MAOA: variants seen among roughly 807,000 people sequenced by gnomAD.
The protein encoded by MAOA is amine oxidase [flavin-containing] A.
MAOA carries 6 observed loss-of-function variants against 42.0 expected under a neutral mutation model. The ratio of observed to expected loss-of-function variants is 0.14; its 90% CI spans 0.08 to 0.28. The LOEUF (loss-of-function observed/expected upper bound fraction) is 0.28, where lower values mean the gene tolerates loss of function less well. Among genes scored for constraint, MAOA ranks in the 10% least tolerant of loss-of-function variants. MAOA has a pLI of 1.00. For synonymous variants in MAOA, 140 were observed against 154.0 expected (o/e 0.91, Z 0.67); for missense variants, 262 against 422.3 (o/e 0.62, Z 3.33).
intron 1 of MAOA, among the ~76,000 whole-genome samples, chrX:43,660,261 G>C (rs1384984840): frequency 9.0e-6 from 1 of 111,325 alleles, no homozygotes; most frequent in Non-Finnish European, 1.9e-5. Context: ...GACCCCTGAA[G>C]CTACCTGGTT....
intron 3 of MAOA, among the ~76,000 whole-genome samples, chrX:43,695,743 T>TA (rs1309952974): frequency 9.0e-6 from 1 of 110,854 alleles, no homozygotes; most frequent in Non-Finnish European, 1.9e-5. Flanking sequence ...AAAATAAAAA[T>TA]AAAAAATAAT....
chrX:43,706,414 T>C, intron 3 of MAOA, among the ~76,000 whole-genome samples: 1 of 111,712 alleles, frequency 9.0e-6, no homozygotes, highest in Non-Finnish European at 1.9e-5. Context: ...ATTGTTTCTA[T>C]CTTAACTGTT....
chrX:43,726,694 C>A (rs144243186), intron 5 of MAOA, among the ~76,000 whole-genome samples: 192 of 112,253 alleles, frequency 1.7e-3, no homozygotes, highest in African/African-American at 5.9e-3. Flanking sequence ...CAAACTCATT[C>A]TCTGTTCAGT....
intron 1 of MAOA, among the ~76,000 whole-genome samples, chrX:43,663,684 C>T (rs1303882360): frequency 8.9e-6 from 1 of 112,288 alleles, no homozygotes; most frequent in Non-Finnish European, 1.9e-5. Context: ...AACGTTGATG[C>T]TCTAAAGCAT....
At chrX:43,725,946 A>G (rs2033829986) in intron 5 of MAOA, among the ~76,000 whole-genome samples, 1 of 111,780 alleles carries the variant, frequency 8.9e-6, no homozygotes, top group Non-Finnish European at 1.9e-5. Context: ...GTTTGGCTGG[A>G]TATGAAATTC....
chrX:43,742,159 T>A lies in MAOA; in HGVS notation c.1262+112T>A. The A allele has an allele frequency of 2.7e-6, 3 of 1,107,642 alleles. No individual in the cohort carries two copies. The South Asian group carries it at 5.8e-5, about 22-fold the overall frequency. The allele number at this position is 1,107,642 out of a possible 1,213,427, so 91.3% of individuals were successfully genotyped here. A position where few individuals can be genotyped will look rare whatever the true frequency, so the allele number is the denominator to read the frequency against. On this transcript the variant is annotated intron_variant, in intron 12 of 14. Transcript: ENST00000338702. The stretch of plus-strand genomic sequence containing the variant: ...GTTGTCAAAATCCCCATTTCTTATG[T>A]CCTAGATAATACTTGTATATTTCTG...
At chrX:43,731,875 T>C in intron 8 of MAOA, 22 bp downstream of exon 8, 1 of 1,158,155 alleles carries the variant, frequency 8.6e-7, no homozygotes, top group Non-Finnish European at 1.2e-6. Flanking sequence ...TTATTCATGT[T>C]TAAACTGTAT....
Position 43,745,086 on chromosome X carries a change from T to C in MAOA, c.*573T>C, listed in dbSNP as rs2033989391. On this transcript the variant is annotated 3_prime_UTR_variant, in exon 15 of 15. Transcript: ENST00000338702. ...ACCCTCAGACCAGAATGGGGACATC[T>C]TGTGGTCTGCTGCCTCAGGAATCTC... 8.0e-6 allele frequency: 1 copy of C among 125,667 alleles called. No homozygotes were observed. Among genetic ancestry groups the C allele is most frequent in the African/African-American group, 3.2e-5 (1 of 31,172 alleles). The allele number at this position is 125,667 out of a possible 1,213,427, so 10.4% of individuals were successfully genotyped here.
At chrX:43,665,158 G>A (rs1309888674) in intron 1 of MAOA, among the ~76,000 whole-genome samples, 1 of 111,940 alleles carries the variant, frequency 8.9e-6, no homozygotes, top group Non-Finnish European at 1.9e-5. Context: ...TTGCCTTTGG[G>A]AGTTTATTAT....
At chrX:43,656,147 T>A, upstream of MAOA, 1 of 446,554 alleles carries the variant, frequency 2.2e-6, no homozygotes, top group Non-Finnish European at 3.9e-6. Context: ...AGCTGAAACA[T>A]CAGCTCCGCC....
chrX:43,731,638 T>C (rs1243187112), intron 7 of MAOA, 56 bp from the exon 8 acceptor site: 2 of 1,111,746 alleles, frequency 1.8e-6, no homozygotes, highest in African/African-American at 1.8e-5. Context: ...TTTTCACGCC[T>C]GCCACAAAGA....
chrX:43,672,878 A>G (rs1308995253), intron 1 of MAOA, among the ~76,000 whole-genome samples: 11 of 111,744 alleles, frequency 9.8e-5, no homozygotes, highest in Non-Finnish European at 2.1e-4. Context: ...AATGTTCATC[A>G]AGGATATTGG....
intron 9 of MAOA, 23 bp from the exon 10 acceptor site, chrX:43,736,204 T>C (rs764893026): frequency 1.7e-6 from 2 of 1,156,727 alleles, no homozygotes; most frequent in South Asian, 1.8e-5. Context: ...AACCTGATCA[T>C]TCAATGTAAC....
intron 3 of MAOA, among the ~76,000 whole-genome samples, chrX:43,707,209 AGGAGG>A (rs1483748165): frequency 2.7e-5 from 3 of 111,318 alleles, no homozygotes; most frequent in Non-Finnish European, 3.8e-5. Flanking sequence ...GGATCATAGA[AGGAGG>A]GGTCTTGGGG....
chrX:43,677,282 G>C (rs371196689), intron 1 of MAOA, among the ~76,000 whole-genome samples: 2 of 111,705 alleles, frequency 1.8e-5, no homozygotes, highest in South Asian at 3.7e-4. Context: ...CAGTTCTCTG[G>C]GGACAGCAAC....
intron 10 of MAOA, among the ~76,000 whole-genome samples, 175 bp from the exon 11 acceptor site, chrX:43,740,506 T>C (rs1237171013): frequency 1.8e-5 from 2 of 111,732 alleles, no homozygotes; most frequent in African/African-American, 6.5e-5. Flanking sequence ...TTAATTTGAG[T>C]GCGGGGATTC....
intron 12 of MAOA, chrX:43,743,573 G>C (rs752503896): frequency 4.6e-6 from 2 of 438,867 alleles, no homozygotes; most frequent in East Asian, 7.7e-5. Flanking sequence ...TTTAATGATT[G>C]ATGATCTGAT....
chrX:43,730,639 G>A (rs958625761), intron 6 of MAOA, among the ~76,000 whole-genome samples: 35 of 109,221 alleles, frequency 3.2e-4, no homozygotes, highest in African/African-American at 4.4e-4. Context: ...TTACAGGCAC[G>A]TGCCACCACG....
intron 3 of MAOA, among the ~76,000 whole-genome samples, chrX:43,709,184 C>A (rs1313465598): frequency 9.0e-6 from 1 of 110,630 alleles, no homozygotes; most frequent in Non-Finnish European, 1.9e-5. Flanking sequence ...CCGTGGCTCC[C>A]ATTTCTAAAA....
Sources: allele counts gnomAD v4.1 joint callset (sites outside exome capture counted in the v4.1 genomes callset), GRCh38; gene constraint gnomAD v4.1.1; transcripts MANE v1.5; gene names NCBI Gene and HGNC (gene_info 2026-07-23, HGNC 2026-07-21).